The following TMPRSS9 variants were observed in gnomAD, a reference collection of about 807,000 sequenced individuals.
TMPRSS9 encodes transmembrane protease serine 9.
TMPRSS9 carries 113 observed loss-of-function variants against 111.4 expected under a neutral mutation model. The observed-to-expected ratio is 1.01, with a 90% CI of 0.87 to 1.19. TMPRSS9 has a LOEUF of 1.19. Ranked by LOEUF, TMPRSS9 falls within the 50% of genes most tolerant of loss-of-function variation. TMPRSS9 has a pLI of 0.00. For missense variants in TMPRSS9, 1,803 were observed against 1,513.1 expected (o/e 1.19, Z -3.18); for synonymous variants, 805 against 659.1 (o/e 1.22, Z -3.39).
chr19:2,366,639 C>T (rs1970249511), intron 1 of TMPRSS9, among the ~76,000 whole-genome samples: 1 of 151,276 alleles, frequency 6.6e-6, no homozygotes, highest in Non-Finnish European at 1.5e-5. Flanking sequence ...GGGCAGATCA[C>T]AAGGTCAGGA....
chr19:2,375,530 A>C (rs1006186357), intron 1 of TMPRSS9, among the ~76,000 whole-genome samples: 1 of 144,046 alleles, frequency 6.9e-6, no homozygotes, highest in Non-Finnish European at 1.5e-5. Flanking sequence ...TCCAGTGTGG[A>C]CCAATCACTG....
intron 1 of TMPRSS9, among the ~76,000 whole-genome samples, chr19:2,369,597 AT>A (rs71178266): frequency 0.027 from 2,992 of 110,340 alleles, 46 homozygotes; most frequent in African/African-American, 0.029. Context: ...CTAATTTGTA[AT>A]TTTTTTTTTT....
chr19:2,425,538 CG>C, intron 17 of TMPRSS9, 45 bp downstream of exon 18: 2 of 1,480,596 alleles, frequency 1.4e-6, no homozygotes, highest in East Asian at 2.5e-5. Context: ...GCCCAGCCGC[CG>C]GGGAGGGCGG....
At chr19:2,388,307 G>A (rs891326220), upstream of TMPRSS9, among the ~76,000 whole-genome samples, 2 of 151,990 alleles carry the variant, frequency 1.3e-5, no homozygotes, top group African/African-American at 4.8e-5. Context: ...GATCGCTTGA[G>A]CCCAGGAGGT....
At chr19:2,382,969 G>C (rs1304240331) in intron 1 of TMPRSS9, among the ~76,000 whole-genome samples, 1 of 152,188 alleles carries the variant, frequency 6.6e-6, no homozygotes, top group Non-Finnish European at 1.5e-5. Context: ...CTTCCTCTTG[G>C]GGAACCTCAG....
At chr19:2,371,418 G>A (rs937079341) in intron 1 of TMPRSS9, among the ~76,000 whole-genome samples, 4 of 152,150 alleles carry the variant, frequency 2.6e-5, no homozygotes, top group South Asian at 2.1e-4. Flanking sequence ...CGGGCGCAGC[G>A]GCTCACGCCT....
intron 6 of TMPRSS9, among the ~76,000 whole-genome samples, chr19:2,404,185 G>T (rs1970919002): frequency 6.6e-6 from 1 of 151,914 alleles, no homozygotes; most frequent in African/African-American, 2.4e-5. Context: ...TAAATAAAAT[G>T]CTGGAAGAGT....
chr19:2,369,597 ATTT>A (rs71178266), intron 1 of TMPRSS9, among the ~76,000 whole-genome samples: 10,192 of 110,256 alleles, frequency 0.092, 742 homozygotes, highest in African/African-American at 0.22. Flanking sequence ...CTAATTTGTA[ATTT>A]TTTTTTTTTT....
At chr19:2,412,361 G>A (rs1038807544) in intron 9 of TMPRSS9, among the ~76,000 whole-genome samples, 3 of 152,084 alleles carry the variant, frequency 2.0e-5, no homozygotes, top group African/African-American at 4.8e-5. Context: ...CCAAGATCAC[G>A]CCACTGTACT....
rs1168444180 is a variant in TMPRSS9, at chr19:2,379,611, CTTTCTCTT to C, written c.-25-10148_-25-10141del. Among the ~76,000 whole-genome samples the C allele has an allele frequency of 5.9e-5, 8 of 136,752 alleles. No homozygotes were observed. The East Asian group carries it at 6.5e-4, about 11-fold the overall frequency. The allele number at this position is 136,752 out of a possible 152,430, so 89.7% of individuals were successfully genotyped here. On this transcript the variant is annotated intron_variant, in intron 1 of 17. Coordinates refer to the TMPRSS9 transcript ENST00000649857. ...CCCTGACATTCCCTAAACTAACTTT[CTTTCTCTT>C]TCTTTCTTTCTTTCTTTCTTTCTTT...
chr19:2,401,604 T>C (rs900770110), intron 4 of TMPRSS9, among the ~76,000 whole-genome samples: 1 of 151,978 alleles, frequency 6.6e-6, no homozygotes, highest in Non-Finnish European at 1.5e-5. Flanking sequence ...ACGTTTTCTT[T>C]CTTTCTTTTT....
chr19:2,366,960 G>T (rs1970252255), intron 1 of TMPRSS9, among the ~76,000 whole-genome samples: 1 of 151,634 alleles, frequency 6.6e-6, no homozygotes, highest in Admixed American at 6.6e-5. Context: ...TGTGGCTGTT[G>T]GTGGGAGGCC....
In TMPRSS9 at chr19:2,410,294, A is replaced by T. The variant is rs577297888; in HGVS notation, c.1154A>T (p.Glu385Val). 3 of 1,613,978 alleles carry T rather than the reference A, an allele frequency of 1.9e-6. No homozygotes were observed. In the South Asian group the frequency reaches 3.3e-5, roughly 18 times the overall value. The change falls in exon 9 of 18, where the codon GAG (glutamate) becomes GTG (valine). Residue 385 changes from glutamate to valine, a missense_variant. Glu to Val is a moderately radical substitution (Grantham distance 121, BLOSUM62 -2). Transcript: ENST00000648592. ...GAGGTGCTGCAGAAAGCCACTGTGGAGCTGCTGGACCAGGCACTGTGTGCC... is the reference window on the plus strand; with the variant it reads ...GAGGTGCTGCAGAAAGCCACTGTGGTGCTGCTGGACCAGGCACTGTGTGCC...
chr19:2,379,285 A>G (rs957830244), intron 1 of TMPRSS9, among the ~76,000 whole-genome samples: 5 of 143,834 alleles, frequency 3.5e-5, no homozygotes, highest in Admixed American at 7.7e-5. Flanking sequence ...TCCCAGGTTC[A>G]TGCCATTCTC....
intron 1 of TMPRSS9, among the ~76,000 whole-genome samples, chr19:2,366,674 G>A (rs1426643111): frequency 2.0e-5 from 3 of 151,462 alleles, no homozygotes; most frequent in Admixed American, 6.6e-5. Context: ...TGGCTAACAC[G>A]ATGAAACCCC....
chr19:2,396,718 G>C lies in TMPRSS9; in HGVS notation c.270+52G>C, dbSNP rs757846495. On this transcript the variant is annotated intron_variant, in intron 2 of 17. Coordinates refer to ENST00000648592, the Ensembl canonical transcript of TMPRSS9. ...AGGGAGGAAGAGCGGGTGGCCGGGG[G>C]CTTTGACCTGGAGGTGCTTTCCGTG... is the stretch of plus-strand genomic sequence containing the variant. 11 of 1,559,208 alleles carry C rather than the reference G, an allele frequency of 7.1e-6. No homozygotes were observed. The Admixed American group carries it at 2.0e-4, about 28-fold the overall frequency.
chr19:2,373,757 C>T (rs539920949), intron 1 of TMPRSS9, among the ~76,000 whole-genome samples: 3 of 152,370 alleles, frequency 2.0e-5, no homozygotes, highest in South Asian at 4.1e-4. Context: ...GCCTCAGCCT[C>T]TTAAGGCGCT....
intron 1 of TMPRSS9, among the ~76,000 whole-genome samples, chr19:2,364,762 G>A (rs551791596): frequency 5.9e-5 from 9 of 151,860 alleles, no homozygotes; most frequent in African/African-American, 1.9e-4. Context: ...GAGGCGGGCC[G>A]ATCATGAGGT....
intron 1 of TMPRSS9, among the ~76,000 whole-genome samples, chr19:2,365,621 C>CAA (rs371800974): frequency 3.8e-5 from 5 of 131,068 alleles, no homozygotes; most frequent in African/African-American, 1.4e-4. Flanking sequence ...AACAAACAAA[C>CAA]AAAAAAAACA....
Sources: allele counts gnomAD v4.1 joint callset (sites outside exome capture counted in the v4.1 genomes callset), GRCh38; gene constraint gnomAD v4.1.1; transcripts MANE v1.5; gene names NCBI Gene and HGNC (gene_info 2026-07-23, HGNC 2026-07-21).